The following ARMC8 variants were observed in gnomAD, a reference collection of about 807,000 sequenced individuals.
ARMC8 encodes the protein armadillo repeat containing 8.
A neutral mutation model predicts 99.3 loss-of-function variants in ARMC8; 20 were observed. The ratio of observed to expected loss-of-function variants is 0.20; its 90% CI spans 0.14 to 0.29. ARMC8 has a LOEUF of 0.29. Ranked by LOEUF, ARMC8 falls within the 10% of genes least tolerant of loss-of-function variation. The pLI is 1.00. For synonymous variants in ARMC8, 263 were observed against 278.3 expected, an observed-to-expected ratio of 0.95 and a Z score of 0.55; for missense variants, 569 against 809.5, an observed-to-expected ratio of 0.70 and a Z score of 3.60.
chr3:138,263,732 T>C lies in ARMC8; in HGVS notation c.1135-7T>C. The C allele has an allele frequency of 1.2e-6, 2 of 1,612,652 alleles. No individual in the cohort carries two copies. The highest frequency in any genetic ancestry group is 8.5e-7 in the Non-Finnish European group (1 of 1,178,606). ...GTTATTTATGCAGCATTAACCTTTT[T>C]CTCCAGATCATTGAGACTGAAAATA... On this transcript the variant is annotated splice_polypyrimidine_tract_variant and splice_region_variant and intron_variant, in intron 12 of 21. Transcript: ENST00000469044.
intron 1 of ARMC8, among the ~76,000 whole-genome samples, chr3:138,208,526 G>A (rs1460047017): frequency 6.6e-6 from 1 of 152,204 alleles, no homozygotes; most frequent in Non-Finnish European, 1.5e-5. Context: ...GAAAACTAGA[G>A]TTTGTGTAGT....
At chr3:138,223,579 G>T (rs375160658) in intron 4 of ARMC8, 48 bp downstream of exon 4, 1 of 1,613,832 alleles carries the variant, frequency 6.2e-7, no homozygotes, top group African/African-American at 1.3e-5. Context: ...GAATCAGTTT[G>T]CAGTGCTTTA....
At chr3:138,253,642 C>T (rs1216809950) in intron 12 of ARMC8, among the ~76,000 whole-genome samples, 7 of 152,140 alleles carry the variant, frequency 4.6e-5, no homozygotes, top group Admixed American at 3.3e-4. Flanking sequence ...ATTCAGAAAA[C>T]GCCATTTCTC....
At chr3:138,205,215 C>G (rs189263707) in intron 1 of ARMC8, among the ~76,000 whole-genome samples, 5 of 151,562 alleles carry the variant, frequency 3.3e-5, no homozygotes, top group African/African-American at 4.9e-5. Flanking sequence ...ACTAAAGGTG[C>G]GCGCCACCAT....
chr3:138,203,502 T>A (rs1012942400), intron 1 of ARMC8, among the ~76,000 whole-genome samples: 4 of 152,192 alleles, frequency 2.6e-5, no homozygotes, highest in Admixed American at 6.5e-5. Flanking sequence ...AGGTTTTAGT[T>A]CCATGCCATG....
At chr3:138,242,241 T>C (rs1415281240) in intron 11 of ARMC8, among the ~76,000 whole-genome samples, 1 of 152,184 alleles carries the variant, frequency 6.6e-6, no homozygotes, top group East Asian at 1.9e-4. Flanking sequence ...ACCTCAAAAG[T>C]AGTGGATTCT....
chr3:138,282,609 C>G (rs1258435012), intron 18 of ARMC8, among the ~76,000 whole-genome samples: 2 of 148,304 alleles, frequency 1.3e-5, no homozygotes, highest in African/African-American at 2.5e-5. Context: ...TGCACTCTAG[C>G]CTGGTGACAG....
chr3:138,288,134 T>C (rs1017194702), intron 19 of ARMC8: 3 of 154,878 alleles, frequency 1.9e-5, no homozygotes, highest in African/African-American at 7.2e-5. Context: ...CTGAATGTAT[T>C]ATATAATGCT....
At chr3:138,219,025 GA>G (rs2045244026) in intron 2 of ARMC8, among the ~76,000 whole-genome samples, 1 of 152,050 alleles carries the variant, frequency 6.6e-6, no homozygotes, top group South Asian at 2.1e-4. Context: ...GGCCATAATG[GA>G]AAAAACAGTT....
chr3:138,205,213 T>C (rs13065895), intron 1 of ARMC8, among the ~76,000 whole-genome samples: 89,106 of 151,028 alleles, frequency 0.59, 26,759 homozygotes, highest in East Asian at 0.84. Flanking sequence ...GGACTAAAGG[T>C]GCGCGCCACC....
At chr3:138,231,961 C>CTTTTTTTTTTTTT (rs61298993) in intron 6 of ARMC8, among the ~76,000 whole-genome samples, 4 of 58,636 alleles carry the variant, frequency 6.8e-5, no homozygotes, top group African/African-American at 2.5e-4. Flanking sequence ...CTTGCAATTG[C>CTTTTTTTTTTTTT]TTTTTTTTTT....
intron 1 of ARMC8, among the ~76,000 whole-genome samples, chr3:138,189,474 G>A (rs1284469340): frequency 2.0e-5 from 3 of 152,092 alleles, no homozygotes; most frequent in African/African-American, 7.2e-5. Flanking sequence ...GTTTTGAAAT[G>A]CAAACTAGAA....
At chr3:138,228,398 T>A (rs2045805169) in intron 5 of ARMC8, among the ~76,000 whole-genome samples, 1 of 152,220 alleles carries the variant, frequency 6.6e-6, no homozygotes. Context: ...GAGAGTGGGC[T>A]GTACCTGAGA....
chr3:138,246,214 T>C, intron 12 of ARMC8: 1 of 985,578 alleles, frequency 1.0e-6, no homozygotes, highest in Non-Finnish European at 1.2e-6. Flanking sequence ...ATTTGATGTG[T>C]GAGTAGCTTT....
intron 12 of ARMC8, chr3:138,262,691 A>T (rs2047873348): frequency 8.6e-7 from 1 of 1,167,608 alleles, no homozygotes; most frequent in East Asian, 2.7e-5. Context: ...ATTAAAAAAA[A>T]AAATCTCCCC....
At chr3:138,194,653 T>G (rs560054292) in intron 1 of ARMC8, among the ~76,000 whole-genome samples, 2 of 152,218 alleles carry the variant, frequency 1.3e-5, no homozygotes, top group African/African-American at 4.8e-5. Flanking sequence ...TATTTTTTTT[T>G]TTTTGAAAAA....
At chr3:138,232,935 G>A (rs1400481954) in intron 6 of ARMC8, among the ~76,000 whole-genome samples, 1 of 152,212 alleles carries the variant, frequency 6.6e-6, no homozygotes, top group African/African-American at 2.4e-5. Flanking sequence ...TCTAAACTGG[G>A]TTGTCAAAAT....
intron 12 of ARMC8, among the ~76,000 whole-genome samples, chr3:138,251,071 AG>A (rs1388094725): frequency 2.6e-5 from 4 of 152,086 alleles, no homozygotes; most frequent in African/African-American, 7.2e-5. Context: ...GGTTCACTTG[AG>A]CCCAGAAGGT....
chr3:138,277,859 A>T (rs1302545469), intron 18 of ARMC8, among the ~76,000 whole-genome samples: 3 of 152,212 alleles, frequency 2.0e-5, no homozygotes, highest in Non-Finnish European at 4.4e-5. Context: ...CAAAAATTAG[A>T]AATTAACATC....
Sources: gnomAD v4.1 joint callset for allele counts (sites outside exome capture counted in the v4.1 genomes callset) on GRCh38, gnomAD v4.1.1 for gene constraint, MANE v1.5 for transcripts, NCBI Gene and HGNC (gene_info 2026-07-23, HGNC 2026-07-21) for gene names.